GPHN: variants seen among roughly 807,000 people sequenced by gnomAD.
The protein encoded by GPHN is gephyrin.
Under a neutral mutation model 95.5 loss-of-function variants are expected in GPHN, and 17 were observed. The observed-to-expected ratio is 0.18, with a 90% CI of 0.12 to 0.27. The LOEUF (loss-of-function observed/expected upper bound fraction) is 0.27. GPHN is among the 10% of genes least tolerant of loss of function. The pLI, the probability that GPHN is intolerant of heterozygous loss-of-function variation, is 1.00. For missense variants in GPHN, 660 were observed against 978.1 expected (o/e 0.67, Z 4.34); for synonymous variants, 320 against 322.5 (o/e 0.99, Z 0.08).
intron 1 of GPHN, among the ~76,000 whole-genome samples, chr14:66,661,534 C>CTGTT (rs1331043535): frequency 6.6e-6 from 1 of 152,214 alleles, no homozygotes; most frequent in African/African-American, 2.4e-5. Context: ...ACCATCTCTG[C>CTGTT]TGTTTGGACA....
At chr14:67,110,298 T>C in intron 14 of GPHN, 39 bp downstream of exon 14, 1 of 1,609,358 alleles carries the variant, frequency 6.2e-7, no homozygotes, top group Non-Finnish European at 8.5e-7. Context: ...GTTGTTCCTA[T>C]GGCAGTATTA....
At chr14:66,559,260 G>T (rs959112360) in intron 1 of GPHN, among the ~76,000 whole-genome samples, 14 of 151,728 alleles carry the variant, frequency 9.2e-5, no homozygotes, top group African/African-American at 3.4e-4. Flanking sequence ...ACCCAGTAAT[G>T]GGATGGCTGG....
chr14:67,376,172 T>G, the GPHN span, among the ~76,000 whole-genome samples: 1 of 151,790 alleles, frequency 6.6e-6, no homozygotes, highest in Non-Finnish European at 1.5e-5. Flanking sequence ...CACTCTGTAG[T>G]AAGGAGAGAT....
intron 1 of GPHN, among the ~76,000 whole-genome samples, chr14:66,634,977 A>G (rs2064020224): frequency 1.3e-5 from 2 of 152,184 alleles, no homozygotes; most frequent in Admixed American, 6.5e-5. Flanking sequence ...ATGTAGGTTG[A>G]TAGATTTGTT....
chr14:67,074,991 C>T (rs904733985), intron 11 of GPHN, among the ~76,000 whole-genome samples: 18 of 152,150 alleles, frequency 1.2e-4, no homozygotes, highest in African/African-American at 4.3e-4. Context: ...ATGAAGGTGA[C>T]TATGCTAAGC....
the GPHN span, among the ~76,000 whole-genome samples, chr14:67,211,924 T>A: frequency 6.6e-6 from 1 of 152,198 alleles, no homozygotes; most frequent in African/African-American, 2.4e-5. Flanking sequence ...CATTGTGAAG[T>A]CTGTCCCTGC....
At chr14:67,149,822 A>G (rs929161417) in intron 18 of GPHN, among the ~76,000 whole-genome samples, 1 of 152,202 alleles carries the variant, frequency 6.6e-6, no homozygotes, top group Non-Finnish European at 1.5e-5. Flanking sequence ...TCCCTTTTAC[A>G]CCTTAGTGTA....
the GPHN span, among the ~76,000 whole-genome samples, chr14:67,487,618 C>T: frequency 2.0e-5 from 3 of 152,184 alleles, no homozygotes; most frequent in Admixed American, 6.5e-5. Flanking sequence ...AACAACCACT[C>T]GTGCAGAAAA....
intron 11 of GPHN, among the ~76,000 whole-genome samples, chr14:67,084,104 C>T (rs1022652768): frequency 1.3e-5 from 2 of 152,122 alleles, no homozygotes; most frequent in African/African-American, 4.8e-5. Flanking sequence ...GAAGTCAAGA[C>T]AATTTCACAA....
chr14:67,581,186 C>G, the GPHN span: 1 of 617,806 alleles, frequency 1.6e-6, no homozygotes, highest in East Asian at 2.8e-5. Flanking sequence ...GGGGTGCAGG[C>G]GGGCTCTGCT....
intron 5 of GPHN, among the ~76,000 whole-genome samples, chr14:66,903,047 AG>A (rs1280369943): frequency 6.6e-6 from 1 of 152,192 alleles, no homozygotes; most frequent in Non-Finnish European, 1.5e-5. Context: ...AGACTAAACC[AG>A]GAAGAAGAAA....
chr14:67,575,493 A>G, the GPHN span: 2 of 1,461,776 alleles, frequency 1.4e-6, no homozygotes, highest in Non-Finnish European at 9.5e-7. Context: ...GCCTCCTCAC[A>G]ATACCCACTC....
chr14:67,100,824 A>T, intron 12 of GPHN, 32 bp from the exon 13 acceptor site: 1 of 1,460,374 alleles, frequency 6.8e-7, no homozygotes, highest in Non-Finnish European at 9.6e-7. Context: ...GTCCATACTG[A>T]TGTTTGTTCT....
the GPHN span, among the ~76,000 whole-genome samples, chr14:67,307,438 T>C: frequency 1.3e-5 from 2 of 152,184 alleles, no homozygotes; most frequent in Non-Finnish European, 2.9e-5. Context: ...TTACAGAATA[T>C]GTACCAGAAA....
intron 1 of GPHN, among the ~76,000 whole-genome samples, chr14:66,652,234 A>G (rs1271186212): frequency 2.6e-5 from 4 of 152,184 alleles, no homozygotes; most frequent in Non-Finnish European, 5.9e-5. Context: ...AGTGATAAAC[A>G]ATATAGACAT....
intron 2 of GPHN, among the ~76,000 whole-genome samples, chr14:66,695,500 G>C (rs769536037): frequency 2.0e-5 from 3 of 152,120 alleles, no homozygotes; most frequent in Non-Finnish European, 4.4e-5. Flanking sequence ...CAGCAGTTTT[G>C]CCCCTTGGTA....
intron 4 of GPHN, among the ~76,000 whole-genome samples, chr14:66,876,886 C>T (rs921619020): frequency 1.3e-5 from 2 of 152,158 alleles, no homozygotes; most frequent in African/African-American, 2.4e-5. Flanking sequence ...TCCTCCTTAA[C>T]TTACTCTACG....
intron 4 of GPHN, among the ~76,000 whole-genome samples, chr14:66,841,197 G>A (rs921791973): frequency 1.1e-4 from 16 of 152,078 alleles, no homozygotes; most frequent in African/African-American, 3.4e-4. Flanking sequence ...GATGGTAAGC[G>A]CTATGTTTAA....
chr14:66,699,366 T>C (rs984804673), intron 2 of GPHN, among the ~76,000 whole-genome samples: 5 of 151,762 alleles, frequency 3.3e-5, no homozygotes, highest in African/African-American at 1.2e-4. Context: ...TTAAAATAAA[T>C]AAATAAAAGA....
Sources: allele counts gnomAD v4.1 joint callset (sites outside exome capture counted in the v4.1 genomes callset), GRCh38; gene constraint gnomAD v4.1.1; transcripts MANE v1.5; gene names NCBI Gene and HGNC (gene_info 2026-07-23, HGNC 2026-07-21).